The following KSR2 variants were observed in gnomAD, a reference collection of about 807,000 sequenced individuals.
KSR2 encodes the protein kinase suppressor of ras 2.
KSR2 carries 25 observed loss-of-function variants against 107.8 expected under a neutral mutation model. The ratio of observed to expected loss-of-function variants is 0.23; its 90% CI spans 0.17 to 0.32. The LOEUF (loss-of-function observed/expected upper bound fraction) is 0.32, where lower values mean the gene tolerates loss of function less well. Ranked by LOEUF, KSR2 falls within the 10% of genes least tolerant of loss-of-function variation. The probability of loss-of-function intolerance (pLI) is 1.00; values close to 1 mark genes in which losing one functional copy is unlikely to be tolerated. For missense variants in KSR2, 887 were observed against 1,268.9 expected (o/e 0.70, Z 4.57); for synonymous variants, 480 against 507.0 (o/e 0.95, Z 0.71).
At chr12:117,650,404 C>T (rs1033553424) in intron 5 of KSR2, among the ~76,000 whole-genome samples, 4 of 152,116 alleles carry the variant, frequency 2.6e-5, no homozygotes, top group African/African-American at 9.7e-5. Flanking sequence ...TCATATATAT[C>T]TCCTATTAGT....
At position 117,469,762 on chromosome 12, in the gene KSR2, CT is replaced by C. The variant is rs1204387116; in HGVS notation, c.2745del (p.Glu916LysfsTer93). The C allele has an allele frequency of 6.2e-7, 1 of 1,613,918 alleles. No individual in the cohort carries two copies. Reference sequence around the variant, plus strand: ...AGCTTGGTGAAGGTAGGTCTCTCTTCTTGTTCAAAGGCCCAGCAGAAGAGAA... The same window carrying C: ...AGCTTGGTGAAGGTAGGTCTCTCTTCTGTTCAAAGGCCCAGCAGAAGAGAA... The part of the protein sequence containing the change: ...DILLFCWAFE[Q>X]EERPTFTKLM... On this transcript the variant is annotated frameshift_variant, in exon 19 of 20. Transcript: ENST00000339824. LOFTEE classifies it high-confidence loss of function.
At chr12:117,848,760 G>GGT in intron 3 of KSR2, among the ~76,000 whole-genome samples, 2 of 151,356 alleles carry the variant, frequency 1.3e-5, no homozygotes, top group Non-Finnish European at 2.9e-5. Flanking sequence ...TGGTGATGGC[G>GGT]ATGATGGTGG....
intron 3 of KSR2, among the ~76,000 whole-genome samples, chr12:117,784,449 T>C (rs1889992194): frequency 6.6e-6 from 1 of 152,208 alleles, no homozygotes; most frequent in Non-Finnish European, 1.5e-5. Flanking sequence ...CCTCTTTCCT[T>C]TATAAACTAC....
At chr12:117,508,892 G>A (rs1261343569) in intron 14 of KSR2, among the ~76,000 whole-genome samples, 1 of 139,444 alleles carries the variant, frequency 7.2e-6, no homozygotes, top group African/African-American at 2.6e-5. Context: ...GTGGATGGAT[G>A]TTGAATGAAT....
At chr12:117,898,839 A>G (rs1168976541) in intron 1 of KSR2, among the ~76,000 whole-genome samples, 1 of 152,184 alleles carries the variant, frequency 6.6e-6, no homozygotes, top group Non-Finnish European at 1.5e-5. Flanking sequence ...AAAGACAAAC[A>G]TCACATGTTC....
intron 1 of KSR2, among the ~76,000 whole-genome samples, chr12:117,896,373 G>A (rs904672749): frequency 3.9e-5 from 6 of 152,136 alleles, no homozygotes; most frequent in Non-Finnish European, 8.8e-5. Flanking sequence ...GGGCTGGTGG[G>A]AGGTGGACTA....
intron 5 of KSR2, among the ~76,000 whole-genome samples, chr12:117,663,683 T>C (rs995465347): frequency 6.6e-6 from 1 of 152,188 alleles, no homozygotes. Context: ...ATCCAGTTAG[T>C]TGCTTTAAAC....
chr12:117,801,156 G>C (rs975515088), intron 3 of KSR2, among the ~76,000 whole-genome samples: 1 of 152,130 alleles, frequency 6.6e-6, no homozygotes, highest in Non-Finnish European at 1.5e-5. Flanking sequence ...CTGTCACCCA[G>C]GCTGGAGTGC....
intron 4 of KSR2, among the ~76,000 whole-genome samples, chr12:117,699,081 T>C (rs999329281): frequency 6.6e-6 from 1 of 152,212 alleles, no homozygotes; most frequent in Non-Finnish European, 1.5e-5. Flanking sequence ...GCAATAATCT[T>C]CATCTGACAT....
intron 8 of KSR2, among the ~76,000 whole-genome samples, chr12:117,557,115 A>G (rs1877754416): frequency 6.6e-6 from 1 of 152,206 alleles, no homozygotes; most frequent in Non-Finnish European, 1.5e-5. Context: ...CAGTGAGCTG[A>G]GATCGCACCA....
chr12:117,504,526 A>G (rs1873560514), intron 14 of KSR2, among the ~76,000 whole-genome samples: 1 of 152,166 alleles, frequency 6.6e-6, no homozygotes, highest in South Asian at 2.1e-4. Context: ...CTCCTTAAAA[A>G]TTCCATAGGC....
chr12:117,735,066 C>G (rs750105449), intron 4 of KSR2, among the ~76,000 whole-genome samples: 1 of 152,162 alleles, frequency 6.6e-6, no homozygotes, highest in African/African-American at 2.4e-5. Flanking sequence ...TGTGACTGCT[C>G]CACCGCAGCC....
chr12:117,513,135 A>G (rs186287219), intron 14 of KSR2, among the ~76,000 whole-genome samples: 5 of 152,130 alleles, frequency 3.3e-5, no homozygotes, highest in African/African-American at 1.2e-4. Context: ...TGCCAAACAA[A>G]TTCTTATGTC....
At chr12:117,782,432 C>CT (rs1195159952) in intron 3 of KSR2, among the ~76,000 whole-genome samples, 1 of 152,070 alleles carries the variant, frequency 6.6e-6, no homozygotes, top group Non-Finnish European at 1.5e-5. Flanking sequence ...CTTAGCTAAT[C>CT]TTTTTTATTT....
intron 5 of KSR2, among the ~76,000 whole-genome samples, chr12:117,609,389 A>C (rs895661652): frequency 3.3e-5 from 5 of 152,236 alleles, no homozygotes; most frequent in Admixed American, 6.5e-5. Context: ...CAAGCATTAG[A>C]ATCTAACTAA....
intron 1 of KSR2, among the ~76,000 whole-genome samples, chr12:117,868,767 T>C (rs80246545): frequency 2.0e-5 from 3 of 151,946 alleles, no homozygotes; most frequent in Non-Finnish European, 2.9e-5. Context: ...CTTTTTTTTT[T>C]TGAGACAGAG....
intron 3 of KSR2, among the ~76,000 whole-genome samples, chr12:117,767,838 G>A (rs1889298509): frequency 6.6e-6 from 1 of 151,746 alleles, no homozygotes; most frequent in Admixed American, 6.6e-5. Flanking sequence ...AGTGAAGGGA[G>A]GACTTCCCAG....
At chr12:117,867,600 G>C (rs1333015931) in intron 1 of KSR2, among the ~76,000 whole-genome samples, 1 of 152,126 alleles carries the variant, frequency 6.6e-6, no homozygotes, top group African/African-American at 2.4e-5. Context: ...TTGGACCCCT[G>C]TCATCTTCAT....
At position 117,454,091 on chromosome 12, in the gene KSR2, G is replaced by A. The variant is rs1288132892; in HGVS notation, c.*13108C>T. The A allele has an allele frequency of 1.3e-5, 2 of 152,200 alleles. No individual in the cohort carries two copies. The highest frequency in any genetic ancestry group is 2.9e-5 in the Non-Finnish European group (2 of 68,022). The allele number at this position is 152,200 out of a possible 1,614,324, so 9.4% of individuals were successfully genotyped here. A position where few individuals can be genotyped will look rare whatever the true frequency, so the allele number is the denominator to read the frequency against. On this transcript the variant is annotated 3_prime_UTR_variant, in exon 20 of 20. Coordinates refer to ENST00000339824, the MANE Select transcript of KSR2 (RefSeq NM_173598.6). ...TATTTTTCAGGAATGTCCCCCTAGA[G>A]GTGGGATTCTGGGGGAGGTTCATTT...
Sources: allele counts gnomAD v4.1 joint callset (sites outside exome capture counted in the v4.1 genomes callset), GRCh38; gene constraint gnomAD v4.1.1; transcripts MANE v1.5; gene names NCBI Gene and HGNC (gene_info 2026-07-23, HGNC 2026-07-21).